Variants in ASAP1 observed in about 807,000 individuals in gnomAD.
ASAP1 encodes ArfGAP with SH3 domain, ankyrin repeat and PH domain 1.
In ASAP1, 43 loss-of-function variants were observed where a neutral mutation model predicts 145.2. The observed-to-expected ratio is 0.30, with a 90% CI of 0.23 to 0.38. ASAP1 has a LOEUF of 0.38. Ranked by LOEUF, ASAP1 falls within the 10% of genes least tolerant of loss-of-function variation. ASAP1 has a pLI of 1.00. For synonymous variants in ASAP1, 546 were observed against 515.5 expected, an observed-to-expected ratio of 1.06 and a Z score of -0.80; for missense variants, 1,018 against 1,355.3, an observed-to-expected ratio of 0.75 and a Z score of 3.91.
chr8:130,351,566 G>A (rs940247206), intron 3 of ASAP1, among the ~76,000 whole-genome samples: 2 of 152,058 alleles, frequency 1.3e-5, no homozygotes, highest in Non-Finnish European at 2.9e-5. Context: ...TGGCTTCTGC[G>A]GATGCCTCAG....
At chr8:130,325,874 T>A (rs955579553) in intron 3 of ASAP1, among the ~76,000 whole-genome samples, 6 of 152,164 alleles carry the variant, frequency 3.9e-5, no homozygotes, top group Non-Finnish European at 7.4e-5. Context: ...GTAACAGTAA[T>A]CACAAGCTTT....
At chr8:130,133,860 C>CA (rs1323183593) in intron 15 of ASAP1, among the ~76,000 whole-genome samples, 1 of 152,154 alleles carries the variant, frequency 6.6e-6, no homozygotes, top group African/African-American at 2.4e-5. Flanking sequence ...GTCAAGTGCC[C>CA]AGGTAGGCTG....
At chr8:130,256,574 T>C (rs1400316482) in intron 3 of ASAP1, among the ~76,000 whole-genome samples, 2 of 151,808 alleles carry the variant, frequency 1.3e-5, no homozygotes, top group African/African-American at 4.8e-5. Flanking sequence ...ACACGAATGC[T>C]TCCCTCTAGT....
At chr8:130,054,945 G>A in intron 29 of ASAP1, 140 bp from the exon 30 acceptor site, 1 of 691,572 alleles carries the variant, frequency 1.4e-6, no homozygotes, top group Admixed American at 2.1e-5. Flanking sequence ...CCACCCTTTA[G>A]TGAACTACAG....
At chr8:130,214,514 G>T (rs753006513) in intron 5 of ASAP1, 42 bp downstream of exon 5, 2 of 1,532,952 alleles carry the variant, frequency 1.3e-6, no homozygotes, top group Admixed American at 2.0e-5. Flanking sequence ...TAATATTTTG[G>T]AAAGGCTGTA....
intron 13 of ASAP1, among the ~76,000 whole-genome samples, chr8:130,147,624 T>C (rs960705560): frequency 1.3e-5 from 2 of 152,260 alleles, no homozygotes; most frequent in African/African-American, 4.8e-5. Context: ...AGACAGGTAC[T>C]GTTATTCTGT....
intron 5 of ASAP1, among the ~76,000 whole-genome samples, chr8:130,205,790 G>T (rs1816179984): frequency 6.6e-6 from 1 of 151,162 alleles, no homozygotes; most frequent in South Asian, 2.1e-4. Context: ...AGTCACTAGG[G>T]GGTGTGCTGC....
At chr8:130,208,211 CG>C (rs1816351182) in intron 5 of ASAP1, among the ~76,000 whole-genome samples, 1 of 152,066 alleles carries the variant, frequency 6.6e-6, no homozygotes, top group Admixed American at 6.6e-5. Context: ...ATTATCAAAA[CG>C]AAAAAACAGA....
intron 3 of ASAP1, among the ~76,000 whole-genome samples, chr8:130,274,512 TC>T (rs1820764319): frequency 6.6e-6 from 1 of 152,210 alleles, no homozygotes; most frequent in Non-Finnish European, 1.5e-5. Context: ...CTACCTTAAA[TC>T]CTAAATGGAA....
chr8:130,111,210 C>CAAAAAAAAAA (rs768575084), intron 24 of ASAP1, among the ~76,000 whole-genome samples: 1 of 41,698 alleles, frequency 2.4e-5, no homozygotes, highest in Non-Finnish European at 4.1e-5. Context: ...TCATCTCTAC[C>CAAAAAAAAAA]AAAAAAAAAA....
chr8:130,084,459 T>C (rs2097488240), intron 25 of ASAP1: 1 of 152,224 alleles, frequency 6.6e-6, no homozygotes, highest in Non-Finnish European at 1.5e-5. Flanking sequence ...AAGTTGGAGA[T>C]ACCTCCTGGG....
chr8:130,054,740 C>A lies in ASAP1; in HGVS notation c.3381G>T (p.Leu1127=), dbSNP rs531073311. The change falls in exon 30 of 30, where the codon CTG becomes CTT. Residue 1127 remains leucine, a synonymous_variant. Transcript: ENST00000518721. ...AAGGTTCTGCGTTTTGCTAGTCAGA[C>A]AGGATATGAACAAAGGACACTGGAA... ...GVFPVSFVHI[L]SD The A allele has an allele frequency of 1.2e-6, 2 of 1,613,472 alleles. No homozygotes were observed. Among genetic ancestry groups the A allele is most frequent in the African/African-American group, 2.7e-5 (2 of 75,002 alleles).
intron 1 of ASAP1, among the ~76,000 whole-genome samples, chr8:130,403,204 C>T (rs1828874505): frequency 6.6e-6 from 1 of 151,970 alleles, no homozygotes; most frequent in Non-Finnish European, 1.5e-5. Context: ...AAAAAGATAG[C>T]AATAATTCCT....
chr8:130,409,884 C>G lies in ASAP1; in HGVS notation c.-27-7914G>C, dbSNP rs139433264. ...CTCTGAGTATACTGCAGGCACTGGG[C>G]CTGACAGTGAGGAGGGTGAGTTGAG... On this transcript the variant is annotated intron_variant, in intron 1 of 29. Coordinates refer to ENST00000518721, the MANE Select transcript of ASAP1 (RefSeq NM_018482.4). 4.8e-3 allele frequency among the ~76,000 whole-genome samples: 730 copies of G among 152,268 alleles called. 3 individuals carry two copies. Among genetic ancestry groups the G allele is most frequent in the African/African-American group, 0.017 (692 of 41,558 alleles).
chr8:130,347,824 C>T (rs1296618830), intron 3 of ASAP1, among the ~76,000 whole-genome samples: 1 of 152,168 alleles, frequency 6.6e-6, no homozygotes, highest in Non-Finnish European at 1.5e-5. Context: ...CTACCATTTG[C>T]CCAAAAGAGA....
intron 2 of ASAP1, among the ~76,000 whole-genome samples, chr8:130,382,713 G>A (rs1426046679): frequency 2.0e-5 from 3 of 152,016 alleles, no homozygotes; most frequent in African/African-American, 2.4e-5. Flanking sequence ...TGGGCATGGC[G>A]GCACACCTGT....
At chr8:130,199,350 C>T (rs1010445526) in intron 5 of ASAP1, among the ~76,000 whole-genome samples, 4 of 152,198 alleles carry the variant, frequency 2.6e-5, no homozygotes, top group African/African-American at 9.7e-5. Flanking sequence ...ATCAGAAGGA[C>T]TGCTCTGAAA....
intron 25 of ASAP1, chr8:130,083,973 A>C (rs2097487071): frequency 1.3e-5 from 2 of 152,088 alleles, no homozygotes; most frequent in African/African-American, 4.8e-5. Context: ...TTGTATTTTT[A>C]GTGGAGATGG....
At chr8:130,205,518 T>C (rs372699806) in intron 5 of ASAP1, among the ~76,000 whole-genome samples, 3 of 151,200 alleles carry the variant, frequency 2.0e-5, no homozygotes, top group Non-Finnish European at 4.4e-5. Flanking sequence ...TAATCAGTTA[T>C]GGTACAGATA....
Sources: allele counts gnomAD v4.1 joint callset (sites outside exome capture counted in the v4.1 genomes callset), GRCh38; gene constraint gnomAD v4.1.1; transcripts MANE v1.5; gene names NCBI Gene and HGNC (gene_info 2026-07-23, HGNC 2026-07-21).